Variants in PCMTD1 observed in about 807,000 individuals in gnomAD.
PCMTD1 encodes protein-L-isoaspartate O-methyltransferase domain-containing protein 1.
A neutral mutation model predicts 37.6 loss-of-function variants in PCMTD1; 12 were observed. That is an observed-to-expected ratio of 0.32 (90% CI 0.20 to 0.52). The LOEUF (loss-of-function observed/expected upper bound fraction) is 0.52, where lower values mean the gene tolerates loss of function less well. Among genes scored for constraint, PCMTD1 ranks in the 20% least tolerant of loss-of-function variants. The probability of loss-of-function intolerance (pLI) is 0.97; values close to 1 mark genes in which losing one functional copy is unlikely to be tolerated. For synonymous variants in PCMTD1, 117 were observed against 135.8 expected, an observed-to-expected ratio of 0.86 and a Z score of 0.96; for missense variants, 235 against 421.3, an observed-to-expected ratio of 0.56 and a Z score of 3.87.
At chr8:51,884,825 T>C (rs916599121) in intron 1 of PCMTD1, among the ~76,000 whole-genome samples, 6 of 152,196 alleles carry the variant, frequency 3.9e-5, no homozygotes, top group African/African-American at 1.4e-4. Context: ...TCAACTTCTC[T>C]GCCATCCAAT....
At chr8:51,837,032 C>T (rs1206353661) in intron 3 of PCMTD1, among the ~76,000 whole-genome samples, 2 of 152,166 alleles carry the variant, frequency 1.3e-5, no homozygotes, top group Non-Finnish European at 2.9e-5. Context: ...ATCAACTCTC[C>T]TATAACTAAA....
chr8:51,834,302 C>T (rs562499820), intron 3 of PCMTD1, among the ~76,000 whole-genome samples: 70 of 152,228 alleles, frequency 4.6e-4, no homozygotes, highest in African/African-American at 1.6e-3. Context: ...TTTCATATTG[C>T]TGCTTTGGCC....
intron 1 of PCMTD1, among the ~76,000 whole-genome samples, chr8:51,889,866 G>C (rs200097843): frequency 9.1e-5 from 1 of 10,936 alleles, no homozygotes; most frequent in African/African-American, 1.0e-4. Context: ...AAGGATATAC[G>C]TGTGTGTGTG....
chr8:51,886,052 G>A (rs965590342), intron 1 of PCMTD1, among the ~76,000 whole-genome samples: 2 of 152,206 alleles, frequency 1.3e-5, no homozygotes, highest in Non-Finnish European at 2.9e-5. Context: ...TAAAGCACAA[G>A]GCTCTTTCCT....
chr8:51,873,610 ATC>A (rs2038668252), intron 1 of PCMTD1, among the ~76,000 whole-genome samples: 1 of 152,090 alleles, frequency 6.6e-6, no homozygotes, highest in Non-Finnish European at 1.5e-5. Flanking sequence ...CAGTGATTGG[ATC>A]GTGGAAGTGG....
chr8:51,833,270 A>G (rs1473893202), intron 4 of PCMTD1, among the ~76,000 whole-genome samples: 1 of 152,230 alleles, frequency 6.6e-6, no homozygotes, highest in East Asian at 1.9e-4. Flanking sequence ...AACACCAGGC[A>G]CAGGGAGTAG....
intron 1 of PCMTD1, among the ~76,000 whole-genome samples, chr8:51,882,851 G>A (rs1424196222): frequency 2.0e-5 from 3 of 151,286 alleles, no homozygotes; most frequent in African/African-American, 7.3e-5. Flanking sequence ...AAAACGGCCG[G>A]ACGCAGTGGC....
At chr8:51,871,440 G>T (rs919743099) in intron 1 of PCMTD1, among the ~76,000 whole-genome samples, 1 of 152,210 alleles carries the variant, frequency 6.6e-6, no homozygotes, top group African/African-American at 2.4e-5. Flanking sequence ...GTCTCAGAAG[G>T]AAGGATGAGC....
intron 3 of PCMTD1, chr8:51,839,365 G>T: frequency 1.3e-6 from 1 of 760,314 alleles, no homozygotes; most frequent in Non-Finnish European, 1.6e-6. Flanking sequence ...AATCATTTAT[G>T]AAAAAAATAT....
Position 51,861,531 on chromosome 8 carries a change from C to T in PCMTD1, c.-95-285G>A, listed in dbSNP as rs149137914. ...AGCCCATTATGGTGGCCACTAGTCA[C>T]ACATGGCTACCTAGATCTAAATTAA... On this transcript the variant is annotated intron_variant, in intron 1 of 5. Transcript: ENST00000522514. 1.1e-3 allele frequency among the ~76,000 whole-genome samples: 169 copies of T among 152,160 alleles called. 1 individual carries two copies. The highest frequency in any genetic ancestry group is 3.9e-3 in the African/African-American group (163 of 41,524).
intron 1 of PCMTD1, among the ~76,000 whole-genome samples, chr8:51,878,978 T>A (rs559781602): frequency 1.3e-5 from 2 of 152,168 alleles, no homozygotes; most frequent in African/African-American, 4.8e-5. Context: ...TTTAAAATAT[T>A]AGCCAGGTGT....
At chr8:51,857,362 T>C (rs1237213598) in intron 2 of PCMTD1, among the ~76,000 whole-genome samples, 1 of 152,238 alleles carries the variant, frequency 6.6e-6, no homozygotes, top group Admixed American at 6.5e-5. Context: ...CTGTGTATTA[T>C]ATGTTTTATA....
chr8:51,853,228 C>A (rs1262797567), intron 2 of PCMTD1, among the ~76,000 whole-genome samples: 1 of 152,156 alleles, frequency 6.6e-6, no homozygotes, highest in African/African-American at 2.4e-5. Flanking sequence ...GATGGACTGA[C>A]CCTGCAAGAG....
chr8:51,889,144 A>G (rs2038903672), intron 1 of PCMTD1, among the ~76,000 whole-genome samples: 1 of 152,192 alleles, frequency 6.6e-6, no homozygotes, highest in South Asian at 2.1e-4. Flanking sequence ...TATTGGTAAG[A>G]GAGCATGAGG....
At chr8:51,884,383 A>G (rs946801323) in intron 1 of PCMTD1, among the ~76,000 whole-genome samples, 2 of 152,240 alleles carry the variant, frequency 1.3e-5, no homozygotes, top group African/African-American at 4.8e-5. Flanking sequence ...CAAAAGCAGG[A>G]ATTGGCCTCT....
intron 2 of PCMTD1, among the ~76,000 whole-genome samples, chr8:51,856,559 C>T (rs1585820471): frequency 6.6e-6 from 1 of 152,136 alleles, no homozygotes; most frequent in Admixed American, 6.5e-5. Context: ...TACCTAAATG[C>T]TCATAATGGC....
chr8:51,817,977 T>C lies in PCMTD1; in HGVS notation c.*2374A>G, dbSNP rs538599061. 74 of 456,566 alleles carry C rather than the reference T, an allele frequency of 1.6e-4. No individual in the cohort carries two copies. Among genetic ancestry groups the C allele is most frequent in the South Asian group, 1.0e-3 (65 of 64,504 alleles). The allele number at this position is 456,566 out of a possible 1,614,324, so 28.3% of individuals were successfully genotyped here. On this transcript the variant is annotated 3_prime_UTR_variant, in exon 6 of 6. Transcript: ENST00000522514. ...TGATACTTACTGTTTTAACTAGCTATAAAATTCCAATACTATATTCCCCAT... is the reference window on the plus strand; with the variant it reads ...TGATACTTACTGTTTTAACTAGCTACAAAATTCCAATACTATATTCCCCAT...
intron 2 of PCMTD1, among the ~76,000 whole-genome samples, chr8:51,851,215 G>C (rs2038301778): frequency 6.6e-6 from 1 of 152,114 alleles, no homozygotes; most frequent in South Asian, 2.1e-4. Flanking sequence ...CCAGTTTTGG[G>C]GGAGGCATCA....
chr8:51,898,792 A>G (rs2039050653), intron 1 of PCMTD1, 138 bp downstream of exon 1: 1 of 865,822 alleles, frequency 1.2e-6, no homozygotes, highest in Non-Finnish European at 1.5e-6. Context: ...CCCGCCCTTA[A>G]GTCCCCCTGC....
Sources: allele counts gnomAD v4.1 joint callset (sites outside exome capture counted in the v4.1 genomes callset), GRCh38; gene constraint gnomAD v4.1.1; transcripts MANE v1.5; gene names NCBI Gene and HGNC (gene_info 2026-07-23, HGNC 2026-07-21).